Variants in MAF observed in about 807,000 individuals in gnomAD.
The protein encoded by MAF is MAF bZIP transcription factor.
In MAF, 10 loss-of-function variants were observed where a neutral mutation model predicts 22.0. That is an observed-to-expected ratio of 0.45 (90% CI 0.28 to 0.77). MAF has a LOEUF of 0.77. Ranked by LOEUF, MAF falls within the 30% of genes least tolerant of loss-of-function variation. The probability of loss-of-function intolerance (pLI) is 0.12; values close to 1 mark genes in which losing one functional copy is unlikely to be tolerated. For missense variants in MAF, 544 were observed against 548.4 expected (o/e 0.99, Z 0.08); for synonymous variants, 337 against 255.8 (o/e 1.32, Z -3.03).
At chr16:79,369,329 A>G in the MAF span, among the ~76,000 whole-genome samples, 1 of 152,190 alleles carries the variant, frequency 6.6e-6, no homozygotes, top group Non-Finnish European at 1.5e-5. Context: ...CTCACATTCT[A>G]GTGACCCCAG....
chr16:79,311,018 ATTTTTTTTTT>A, the MAF span, among the ~76,000 whole-genome samples: 5 of 133,666 alleles, frequency 3.7e-5, no homozygotes, highest in Non-Finnish European at 8.2e-5. Context: ...CTGCTTTTTC[ATTTTTTTTTT>A]TTTTTCTGCA....
the MAF span, among the ~76,000 whole-genome samples, chr16:79,519,157 C>T: frequency 2.0e-5 from 3 of 152,126 alleles, no homozygotes; most frequent in African/African-American, 7.2e-5. Context: ...GAGATCCTCT[C>T]CTTTGTACAT....
chr16:79,218,671 G>A, the MAF span, among the ~76,000 whole-genome samples: 1 of 152,186 alleles, frequency 6.6e-6, no homozygotes, highest in East Asian at 1.9e-4. Context: ...CAAGCAGCCA[G>A]CCTCCTTATT....
chr16:79,310,679 G>A, the MAF span, among the ~76,000 whole-genome samples: 24 of 152,128 alleles, frequency 1.6e-4, no homozygotes, highest in African/African-American at 5.6e-4. Context: ...TTGGGGGCTC[G>A]CCTTGGTGAA....
chr16:79,415,800 C>T, the MAF span, among the ~76,000 whole-genome samples: 3 of 152,028 alleles, frequency 2.0e-5, no homozygotes, highest in South Asian at 4.2e-4. Context: ...TATTAAAAAT[C>T]CCGGAGCCTC....
chr16:79,345,479 G>C, the MAF span, among the ~76,000 whole-genome samples: 1 of 152,068 alleles, frequency 6.6e-6, no homozygotes, highest in Non-Finnish European at 1.5e-5. Flanking sequence ...ATGCCTGTGA[G>C]AAATTTGGGA....
chr16:79,439,803 A>G, the MAF span, among the ~76,000 whole-genome samples: 1 of 152,354 alleles, frequency 6.6e-6, no homozygotes, highest in African/African-American at 2.4e-5. Context: ...GGAGATGCCC[A>G]GCAGTCACGG....
chr16:79,490,464 T>C, the MAF span, among the ~76,000 whole-genome samples: 118 of 152,322 alleles, frequency 7.7e-4, no homozygotes, highest in Middle Eastern at 3.4e-3. Flanking sequence ...TCTCTGGTTT[T>C]AATTAGATAA....
the MAF span, among the ~76,000 whole-genome samples, chr16:79,551,522 C>A: frequency 6.6e-6 from 1 of 152,208 alleles, no homozygotes; most frequent in Non-Finnish European, 1.5e-5. Flanking sequence ...GTGGCCCTTT[C>A]TGTCTCCAGG....
chr16:79,563,423 T>C, the MAF span, among the ~76,000 whole-genome samples: 6 of 152,100 alleles, frequency 3.9e-5, no homozygotes, highest in Admixed American at 3.3e-4. Context: ...TTTATTGTTG[T>C]GGTCAAACTC....
the MAF span, among the ~76,000 whole-genome samples, chr16:79,239,891 T>A: frequency 6.6e-6 from 1 of 151,984 alleles, no homozygotes; most frequent in Non-Finnish European, 1.5e-5. Flanking sequence ...TTTAGAAGCC[T>A]TGAAGAAAGA....
chr16:79,534,072 A>G, the MAF span, among the ~76,000 whole-genome samples: 2 of 152,144 alleles, frequency 1.3e-5, no homozygotes, highest in Admixed American at 6.5e-5. Flanking sequence ...GTAAACTACA[A>G]TCCCTTGAGG....
chr16:79,362,562 G>T, the MAF span, among the ~76,000 whole-genome samples: 9 of 152,328 alleles, frequency 5.9e-5, no homozygotes, highest in South Asian at 2.1e-4. Context: ...AACAGATTTA[G>T]AAAGTTGCGA....
At chr16:79,316,119 C>G in the MAF span, among the ~76,000 whole-genome samples, 1 of 152,164 alleles carries the variant, frequency 6.6e-6, no homozygotes, top group Admixed American at 6.5e-5. Flanking sequence ...GAAAACAGAG[C>G]CCGACTCTAC....
Position 79,594,732 on chromosome 16 carries a change from G to C in MAF, c.1119-179C>G, listed in dbSNP as rs143565138. On this transcript the variant is annotated intron_variant, in intron 1 of 1. Coordinates refer to ENST00000326043, the MANE Select transcript of MAF (RefSeq NM_005360.5). ...TGTAAGAAAAAAAAAACATGTATTT[G>C]TTTGCTACTCCCACTATACTTCAAA... is the stretch of plus-strand genomic sequence containing the variant. The C allele has an allele frequency of 3.5e-6, 5 of 1,410,778 alleles. No individual in the cohort carries two copies. In the African/African-American group the frequency reaches 5.8e-5, roughly 17 times the overall value. The allele number at this position is 1,410,778 out of a possible 1,614,324, so 87.4% of individuals were successfully genotyped here. A position where few individuals can be genotyped will look rare whatever the true frequency, so the allele number is the denominator to read the frequency against.
chr16:79,590,693 G>C (rs1044838682), downstream of MAF, among the ~76,000 whole-genome samples: 1 of 152,058 alleles, frequency 6.6e-6, no homozygotes, highest in East Asian at 1.9e-4. Context: ...GATCCTTCTT[G>C]GTGGGAGGTT....
the MAF span, among the ~76,000 whole-genome samples, chr16:79,342,393 A>T: frequency 6.6e-6 from 1 of 152,252 alleles, no homozygotes; most frequent in Non-Finnish European, 1.5e-5. Context: ...AGCATGAGGC[A>T]GTTAAAGGGG....
At chr16:79,531,170 G>C in the MAF span, among the ~76,000 whole-genome samples, 1 of 152,184 alleles carries the variant, frequency 6.6e-6, no homozygotes, top group South Asian at 2.1e-4. Flanking sequence ...GCTTGTATAA[G>C]CATACCCTTG....
chr16:79,315,147 C>T, the MAF span, among the ~76,000 whole-genome samples: 9 of 152,102 alleles, frequency 5.9e-5, no homozygotes, highest in Non-Finnish European at 1.3e-4. Context: ...GTGCCAGGCA[C>T]GGTTCTAGGA....
Sources: allele counts gnomAD v4.1 joint callset (sites outside exome capture counted in the v4.1 genomes callset), GRCh38; gene constraint gnomAD v4.1.1; transcripts MANE v1.5; gene names NCBI Gene and HGNC (gene_info 2026-07-23, HGNC 2026-07-21).